Variants in CARD14 observed in about 807,000 individuals in gnomAD.
The protein encoded by CARD14 is caspase recruitment domain-containing protein 14.
A neutral mutation model predicts 111.5 loss-of-function variants in CARD14; 107 were observed. That is an observed-to-expected ratio of 0.96 (90% CI 0.82 to 1.13). The LOEUF (loss-of-function observed/expected upper bound fraction) is 1.13, where lower values mean the gene tolerates loss of function less well. CARD14 is among the 50% of genes most tolerant of loss of function. The pLI, the probability that CARD14 is intolerant of heterozygous loss-of-function variation, is 0.00. For missense variants in CARD14, 1,322 were observed against 1,362.3 expected, an observed-to-expected ratio of 0.97 and a Z score of 0.47; for synonymous variants, 617 against 579.6, an observed-to-expected ratio of 1.06 and a Z score of -0.93.
intron 23 of CARD14, 151 bp from the exon 24 acceptor site, chr17:80,207,987 G>C: frequency 3.8e-6 from 2 of 532,000 alleles, no homozygotes; most frequent in Non-Finnish European, 6.5e-6. Context: ...CCCACCACTG[G>C]GGCCTGGGGC....
rs145562981 is a variant in CARD14 at position 80,205,454 on chromosome 17, CAG to C, written c.2570-76_2570-75del. ...CCAGTGCTGGCAGGGTTCACGGGGACAGGGGTGTTTACCATGGGACTCCCCCA... is the reference window on the plus strand; with the variant it reads ...CCAGTGCTGGCAGGGTTCACGGGGACGGGTGTTTACCATGGGACTCCCCCA... On this transcript the variant is annotated intron_variant, in intron 21 of 23. Coordinates refer to ENST00000648509, the MANE Select transcript of CARD14 (RefSeq NM_001366385.1). 2,692 of 1,536,042 alleles carry C rather than the reference CAG, an allele frequency of 1.8e-3. 23 individuals carry two copies. The African/African-American group carries it at 0.018, about 10-fold the overall frequency.
Position 80,181,411 on chromosome 17 carries a change from C to T in CARD14, c.-20-8C>T, listed in dbSNP as rs2040169093. On this transcript the variant is annotated splice_region_variant and splice_polypyrimidine_tract_variant and intron_variant, in intron 4 of 23. Coordinates refer to ENST00000648509, the MANE Select transcript of CARD14 (RefSeq NM_001366385.1). ...TGACAACTCCACCCCCATGGCCACC[C>T]CTCCTAGGGTCCTCCCAGCGCCCAG... is the stretch of plus-strand genomic sequence containing the variant. The T allele has an allele frequency of 1.3e-6, 2 of 1,547,388 alleles. No individual in the cohort carries two copies. Among genetic ancestry groups the T allele is most frequent in the Admixed American group, 2.0e-5 (1 of 51,006 alleles).
At chr17:80,175,959 T>G (rs1165992167) in intron 2 of CARD14, among the ~76,000 whole-genome samples, 12 of 15,612 alleles carry the variant, frequency 7.7e-4, no homozygotes, top group South Asian at 1.7e-3. Context: ...ATCGTTTTTT[T>G]TTTTTTTTTT....
intron 23 of CARD14, 86 bp downstream of exon 23, chr17:80,207,171 C>A: frequency 1.1e-6 from 1 of 924,702 alleles, no homozygotes; most frequent in South Asian, 1.6e-5. Flanking sequence ...CTGGAGTGTG[C>A]TCTGCGGTTT....
intron 2 of CARD14, among the ~76,000 whole-genome samples, chr17:80,174,582 C>T (rs546062197): frequency 3.9e-5 from 6 of 152,220 alleles, no homozygotes; most frequent in South Asian, 2.1e-4. Context: ...CCCCCTACCC[C>T]GATTTCTACT....
In CARD14 at chr17:80,198,703, G is replaced by A; in HGVS notation, c.1851+112G>A. On this transcript the variant is annotated intron_variant, in intron 16 of 23. Coordinates refer to ENST00000648509, the MANE Select transcript of CARD14 (RefSeq NM_001366385.1). The surrounding 1 kb of genome is among the most constrained non-coding windows in gnomAD (Gnocchi z 7.5). ...CCCCAGACGATGCAGATCCACTCTG[G>A]GCTGGGCCTCTGCTCTTTCCTGGGC... The A allele has an allele frequency of 6.3e-7, 1 of 1,594,414 alleles. No homozygotes were observed. The highest frequency in any genetic ancestry group is 1.7e-5 in the Admixed American group (1 of 58,922).
intron 9 of CARD14, among the ~76,000 whole-genome samples, chr17:80,190,074 G>T (rs1034940860): frequency 2.0e-5 from 3 of 152,180 alleles, no homozygotes; most frequent in African/African-American, 7.2e-5. Context: ...ACCATGGTCA[G>T]GCAGATGCGT....
Position 80,182,833 on chromosome 17 carries a change from A to G in CARD14, c.349+43A>G. 6.2e-7 allele frequency: 1 copy of G among 1,609,272 alleles called. No individual in the cohort carries two copies. Among genetic ancestry groups the G allele is most frequent in the South Asian group, 1.1e-5 (1 of 90,938 alleles). ...GACGGTTTGGCAGGCACTTCTAGGA[A>G]CCTCAGGCTCCTGGTAACCCCAGGT... On this transcript the variant is annotated intron_variant, in intron 6 of 23. Coordinates refer to ENST00000648509, the MANE Select transcript of CARD14 (RefSeq NM_001366385.1). The surrounding 1 kb of genome is among the most constrained non-coding windows in gnomAD (Gnocchi z 4.7).
chr17:80,187,886 G>T (rs1281073256), intron 7 of CARD14: 1 of 985,500 alleles, frequency 1.0e-6, no homozygotes, highest in Non-Finnish European at 1.2e-6. Context: ...CAACACAGGA[G>T]CTTTGCTGTC....
intron 7 of CARD14, among the ~76,000 whole-genome samples, chr17:80,185,152 T>A (rs2040303565): frequency 6.6e-6 from 1 of 152,128 alleles, no homozygotes; most frequent in African/African-American, 2.4e-5. Flanking sequence ...ACTCCTGAGC[T>A]CAAGTGATCC....
At chr17:80,170,164 G>C in intron 1 of CARD14, 108 bp downstream of exon 1, 1 of 152,212 alleles carries the variant, frequency 6.6e-6, no homozygotes, top group African/African-American at 2.4e-5. Flanking sequence ...AGTGGTCCCA[G>C]GGGAGTGGGA....
chr17:80,206,949 T>C (rs921318095), intron 22 of CARD14, 21 bp from the exon 23 acceptor site: 24 of 1,583,192 alleles, frequency 1.5e-5, no homozygotes, highest in Non-Finnish European at 1.7e-5. Context: ...TTGACTCACT[T>C]CTTCTCTCCC....
chr17:80,194,754 G>C (rs530264055), intron 12 of CARD14, among the ~76,000 whole-genome samples: 1 of 152,238 alleles, frequency 6.6e-6, no homozygotes, highest in South Asian at 2.1e-4. Flanking sequence ...TGAGAACTCA[G>C]TCACTCTCAC....
Position 80,189,753 on chromosome 17 carries a change from G to A in CARD14, c.844G>A (p.Ala282Thr). ...EKLRSLTFSLAEKDILEQSLD... is the reference protein window; with the variant it reads ...EKLRSLTFSLTEKDILEQSLD... Reference sequence around the variant, plus strand: ...CCAGGCTGACCTCTCTCTGCCCCAGGCGGAGAAGGACATTCTGGAGCAGAG... The same window carrying A: ...CCAGGCTGACCTCTCTCTGCCCCAGACGGAGAAGGACATTCTGGAGCAGAG... The change falls in exon 9 of 24, where the codon GCG (alanine) becomes ACG (threonine). Residue 282 changes from alanine (A) to threonine (T), a missense_variant and splice_region_variant. Transcript: ENST00000648509. This position sits in a 1 kb window ranked among gnomAD's most constrained non-coding sequence, Gnocchi z 4.7. 1 of 1,574,988 alleles carries A rather than the reference G, an allele frequency of 6.3e-7. No individual in the cohort carries two copies. The highest frequency in any genetic ancestry group is 8.6e-7 in the Non-Finnish European group (1 of 1,165,140).
At chr17:80,172,584 G>A (rs904935565) in intron 1 of CARD14, among the ~76,000 whole-genome samples, 1 of 152,176 alleles carries the variant, frequency 6.6e-6, no homozygotes, top group Admixed American at 6.5e-5. Flanking sequence ...TGGTGTCCCC[G>A]CTGTAGCTGG....
intron 4 of CARD14, 112 bp from the exon 5 acceptor site, chr17:80,181,307 A>G: frequency 2.6e-6 from 2 of 776,054 alleles, no homozygotes; most frequent in South Asian, 3.6e-5. Flanking sequence ...CTGACTGGCA[A>G]AGAGTGCGCC....
Position 80,201,705 on chromosome 17 carries a change from C to T in CARD14, c.1852-39C>T. On this transcript the variant is annotated intron_variant, in intron 16 of 23. Coordinates refer to ENST00000648509, the MANE Select transcript of CARD14 (RefSeq NM_001366385.1). The surrounding 1 kb of genome is among the most constrained non-coding windows in gnomAD (Gnocchi z 5.0). ...TCTGTCTTCTGGCTGGATTCAGAGT[C>T]CCGGGGGAAAGAGACTGACCTTCTC... 2 of 1,612,686 alleles carry T rather than the reference C, an allele frequency of 1.2e-6. No individual in the cohort carries two copies. The highest frequency in any genetic ancestry group is 1.7e-6 in the Non-Finnish European group (2 of 1,179,268).
At chr17:80,199,235 G>C (rs1170428685) in intron 16 of CARD14, among the ~76,000 whole-genome samples, 1 of 152,144 alleles carries the variant, frequency 6.6e-6, no homozygotes, top group African/African-American at 2.4e-5. Context: ...GCTCACGCCT[G>C]TAATCCCAGC....
intron 18 of CARD14, 199 bp downstream of exon 18, chr17:80,202,619 G>A (rs2041046189): frequency 7.0e-7 from 1 of 1,421,626 alleles, no homozygotes; most frequent in Non-Finnish European, 9.2e-7. Flanking sequence ...CAAATGAAAT[G>A]TTCATTCTAG....
Sources: allele counts gnomAD v4.1 joint callset (sites outside exome capture counted in the v4.1 genomes callset), GRCh38; gene constraint gnomAD v4.1.1; non-coding constraint Gnocchi (gnomAD v3.1); transcripts MANE v1.5; gene names NCBI Gene and HGNC (gene_info 2026-07-23, HGNC 2026-07-21).